The following NMUR2 variants were observed in gnomAD, a reference collection of about 807,000 sequenced individuals.
NMUR2 encodes neuromedin U receptor 2, also known as neuromedin-U receptor 2.
NMUR2 carries 24 observed loss-of-function variants against 25.1 expected under a neutral mutation model. The observed-to-expected ratio is 0.96, with a 90% CI of 0.69 to 1.34. The LOEUF (loss-of-function observed/expected upper bound fraction) is 1.34. NMUR2 is among the 40% of genes most tolerant of loss of function. The pLI is 0.00. For synonymous variants in NMUR2, 218 were observed against 208.1 expected, an observed-to-expected ratio of 1.05 and a Z score of -0.41; for missense variants, 533 against 512.8, an observed-to-expected ratio of 1.04 and a Z score of -0.38.
Position 152,397,986 on chromosome 5 carries a change from A to G in NMUR2, c.811+74T>C, listed in dbSNP as rs1038496282. Reference sequence around the variant, plus strand: ...ATAAATTGGAACCTACCCCAGCAGCATTTAGTTGGTACCAAATGTACCTCC... The same window carrying G: ...ATAAATTGGAACCTACCCCAGCAGCGTTTAGTTGGTACCAAATGTACCTCC... On this transcript the variant is annotated intron_variant, in intron 2 of 3. Transcript: ENST00000255262. 6.8e-6 allele frequency: 7 copies of G among 1,027,628 alleles called. No homozygotes were observed. The African/African-American group carries it at 1.1e-4, about 16-fold the overall frequency. 63.7% of individuals were successfully genotyped at this position (1,027,628 alleles called of 1,614,324 possible). A position where few individuals can be genotyped will look rare whatever the true frequency, so the allele number is the denominator to read the frequency against.
intron 2 of NMUR2, among the ~76,000 whole-genome samples, chr5:152,396,624 G>C (rs777015496): frequency 6.6e-6 from 1 of 152,128 alleles, no homozygotes; most frequent in South Asian, 2.1e-4. Flanking sequence ...AATTCCTGAC[G>C]GGCGTGGTGG....
chr5:152,402,325 C>A (rs1753271303), intron 1 of NMUR2, among the ~76,000 whole-genome samples: 1 of 152,160 alleles, frequency 6.6e-6, no homozygotes, highest in South Asian at 2.1e-4. Flanking sequence ...ATCAGTGACA[C>A]AGAATAGGGC....
rs757751438 is a variant in NMUR2, at chr5:152,392,455, G to C, written c.984C>G (p.Asn328Lys). 5 of 1,614,012 alleles carry C rather than the reference G, an allele frequency of 3.1e-6. No homozygotes were observed. The East Asian group carries it at 1.1e-4, about 36-fold the overall frequency. ...LSSAVNPIIY[N>K]LLSRRFQAAF... The stretch of plus-strand genomic sequence containing the variant: ...CTGCCTGGAAGCGGCGAGACAGTAG[G>C]TTATAGATAATGGGGTTGACAGCTG... Residue 328 changes from asparagine to lysine, a missense_variant, in exon 4 of 4, where the codon AAC becomes AAG. Coordinates refer to ENST00000255262, the MANE Select transcript of NMUR2 (RefSeq NM_020167.5).
Position 152,404,564 on chromosome 5 carries a change from T to C in NMUR2, c.550A>G (p.Ile184Val), listed in dbSNP as rs1314326901. The C allele has an allele frequency of 6.2e-7, 1 of 1,613,896 alleles. No individual in the cohort carries two copies. Among genetic ancestry groups the C allele is most frequent in the African/African-American group, 1.3e-5 (1 of 74,884 alleles). The change falls in exon 1 of 4, where the codon ATC becomes GTC. Residue 184 changes from isoleucine (I) to valine (V), a missense_variant. Coordinates refer to ENST00000255262, the MANE Select transcript of NMUR2 (RefSeq NM_020167.5). The stretch of plus-strand genomic sequence containing the variant: ...AAGTAGTGGAACTTGATGCCATGGA[T>C]GCTGGTGTTGGGCAGGGAGAAGAGC... ...SVLFSLPNTSIHGIKFHYFPN... is the reference protein window; with the variant it reads ...SVLFSLPNTSVHGIKFHYFPN...
intron 3 of NMUR2, among the ~76,000 whole-genome samples, 155 bp from the exon 4 acceptor site, chr5:152,392,656 G>C (rs1304512271): frequency 1.3e-5 from 2 of 152,160 alleles, no homozygotes; most frequent in Non-Finnish European, 2.9e-5. Flanking sequence ...AATACAAAAT[G>C]CTCTGAATAG....
Position 152,405,270 on chromosome 5 carries a change from C to A in NMUR2, c.-157G>T, listed in dbSNP as rs577503500. ...GGCTGGGAGAGAGTGAGTGTTTCAC[C>A]CTCCAGGTTAGGCTGCCTGGACCGC... On this transcript the variant is annotated 5_prime_UTR_variant, in exon 1 of 4. Transcript: ENST00000255262. 4 of 863,104 alleles carry A rather than the reference C, an allele frequency of 4.6e-6. No homozygotes were observed. The highest frequency in any genetic ancestry group is 6.9e-6 in the Non-Finnish European group (4 of 580,698). 53.5% of individuals were successfully genotyped at this position (863,104 alleles called of 1,614,324 possible).
rs764432864 is a variant in NMUR2 at position 152,404,720 on chromosome 5, C to T, written c.394G>A (p.Ala132Thr). 2 of 1,614,040 alleles carry T rather than the reference C, an allele frequency of 1.2e-6. No individual in the cohort carries two copies. The highest frequency in any genetic ancestry group is 1.7e-5 in the Admixed American group (1 of 60,016). Residue 132 changes from alanine to threonine, a missense_variant, in exon 1 of 4, where the codon GCC becomes ACC. Ala to Thr is a moderately conservative substitution (Grantham distance 58). Transcript: ENST00000255262. The part of the protein sequence containing the change: ...KTALFETVCF[A>T]SILSITTVSV... ...ACGGTGGTGATGCTGAGGATGGAGG[C>T]GAAGCACACGGTCTCAAAGAGGGCC...
intron 1 of NMUR2, among the ~76,000 whole-genome samples, chr5:152,400,416 T>A (rs1753232391): frequency 6.6e-6 from 1 of 152,214 alleles, no homozygotes; most frequent in Non-Finnish European, 1.5e-5. Context: ...TTCTGATTAT[T>A]ATCCAGAGTA....
At position 152,404,475 on chromosome 5, in the gene NMUR2, G is replaced by A; in HGVS notation, c.639C>T (p.Tyr213=). ...AGGAGGTGACCTGGATGATGAAATT[G>A]TAGATCCACATGGGCTTGATGACCG... ...TCTVIKPMWI[Y]NFIIQVTSFL... The change falls in exon 1 of 4, where the codon TAC becomes TAT. Residue 213 remains tyrosine (Y), a synonymous_variant. Coordinates refer to ENST00000255262, the MANE Select transcript of NMUR2 (RefSeq NM_020167.5). 6.2e-7 allele frequency: 1 copy of A among 1,614,156 alleles called. No homozygotes were observed. Among genetic ancestry groups the A allele is most frequent in the Non-Finnish European group, 8.5e-7 (1 of 1,180,036 alleles).
rs1258458619 is a variant in NMUR2 at position 152,404,526 on chromosome 5, G to A, written c.588C>T (p.Ser196=). Residue 196 remains serine, a synonymous_variant, in exon 1 of 4, where the codon TCC becomes TCT. Transcript: ENST00000255262. ...GIKFHYFPNG[S]LVPGSATCTV... Reference sequence around the variant, plus strand: ...TACAGGTGGCCGAACCTGGGACCAGGGACCCATTGGGGAAGTAGTGGAACT... The same window carrying A: ...TACAGGTGGCCGAACCTGGGACCAGAGACCCATTGGGGAAGTAGTGGAACT... 1 of 1,614,130 alleles carries A rather than the reference G, an allele frequency of 6.2e-7. No homozygotes were observed. The highest frequency in any genetic ancestry group is 1.1e-5 in the South Asian group (1 of 91,066).
chr5:152,398,116 T>A lies in NMUR2; in HGVS notation c.755A>T (p.Asp252Val), dbSNP rs1753193441. The A allele has an allele frequency of 6.2e-7, 1 of 1,613,284 alleles. No homozygotes were observed. The highest frequency in any genetic ancestry group is 1.3e-5 in the African/African-American group (1 of 74,918). Residue 252 changes from aspartate (D) to valine (V), a missense_variant, in exon 2 of 4, where the codon GAT (aspartate) becomes GTT (valine). Coordinates refer to ENST00000255262, the MANE Select transcript of NMUR2 (RefSeq NM_020167.5). Reference sequence around the variant, plus strand: ...TCTTTGAATATTTGCATTCCCTTCATCTGCCTCAAGAGATTTGTCTTTCTT... The same window carrying A: ...TCTTTGAATATTTGCATTCCCTTCAACTGCCTCAAGAGATTTGTCTTTCTT... ...RLKKDKSLEA[D>V]EGNANIQRPC...
At position 152,394,629 on chromosome 5, in the gene NMUR2, T is replaced by G. The variant is rs186426144; in HGVS notation, c.937+830A>C. Among the ~76,000 whole-genome samples, 22 of 152,324 alleles carry G rather than the reference T, an allele frequency of 1.4e-4. 1 individual carries two copies. The highest frequency in any genetic ancestry group is 1.3e-3 in the Admixed American group (20 of 15,298). ...AACACTGAACTTGAAGTTAGATGAC[T>G]TGGGTGGGTTATTTGTTAGCTAAGT... On this transcript the variant is annotated intron_variant, in intron 3 of 3. Transcript: ENST00000255262.
At chr5:152,394,576 T>C (rs567790937) in intron 3 of NMUR2, among the ~76,000 whole-genome samples, 2 of 152,318 alleles carry the variant, frequency 1.3e-5, no homozygotes, top group African/African-American at 4.8e-5. Flanking sequence ...AACTAGGTGG[T>C]CATTCTTTGC....
chr5:152,393,607 T>C (rs940689474), intron 3 of NMUR2, among the ~76,000 whole-genome samples: 4 of 152,190 alleles, frequency 2.6e-5, no homozygotes, highest in African/African-American at 9.6e-5. Context: ...CTTGGAATGG[T>C]ACTGCAGAGA....
At chr5:152,401,919 C>T (rs1300525620) in intron 1 of NMUR2, among the ~76,000 whole-genome samples, 1 of 152,152 alleles carries the variant, frequency 6.6e-6, no homozygotes. Context: ...AACTATCCAA[C>T]AGAGTCACTC....
chr5:152,392,751 T>A (rs935029664), intron 3 of NMUR2, among the ~76,000 whole-genome samples: 4 of 152,190 alleles, frequency 2.6e-5, no homozygotes, highest in African/African-American at 9.6e-5. Flanking sequence ...CTCTCTGAGA[T>A]GTTCAGCAAC....
intron 1 of NMUR2, among the ~76,000 whole-genome samples, chr5:152,400,081 A>C (rs945066346): frequency 5.3e-4 from 81 of 152,200 alleles, no homozygotes; most frequent in African/African-American, 1.9e-3. Flanking sequence ...AAACTTCAGC[A>C]AATCCATATC....
At chr5:152,393,870 G>C (rs1241226861) in intron 3 of NMUR2, among the ~76,000 whole-genome samples, 1 of 152,076 alleles carries the variant, frequency 6.6e-6, no homozygotes, top group East Asian at 1.9e-4. Context: ...TAAGTATTCA[G>C]GGGCAGGAAT....
chr5:152,392,735 T>C (rs954525708), intron 3 of NMUR2, among the ~76,000 whole-genome samples: 1 of 152,182 alleles, frequency 6.6e-6, no homozygotes, highest in Non-Finnish European at 1.5e-5. Context: ...TAGGCTGACA[T>C]GGGATCTCTC....
Sources: allele counts gnomAD v4.1 joint callset (sites outside exome capture counted in the v4.1 genomes callset), GRCh38; gene constraint gnomAD v4.1.1; transcripts MANE v1.5; gene names NCBI Gene and HGNC (gene_info 2026-07-23, HGNC 2026-07-21).